Variants in CAP2 observed in about 807,000 individuals in gnomAD.
The protein encoded by CAP2 is adenylyl cyclase-associated protein 2.
In CAP2, 24 loss-of-function variants were observed where a neutral mutation model predicts 57.7. The ratio of observed to expected loss-of-function variants is 0.42; its 90% CI spans 0.30 to 0.58. The LOEUF (loss-of-function observed/expected upper bound fraction) is 0.58, where lower values mean the gene tolerates loss of function less well. Among genes scored for constraint, CAP2 ranks in the 20% least tolerant of loss-of-function variants. The probability of loss-of-function intolerance (pLI) is 0.22; values close to 1 mark genes in which losing one functional copy is unlikely to be tolerated. For missense variants in CAP2, 501 were observed against 590.3 expected, an observed-to-expected ratio of 0.85 and a Z score of 1.57; for synonymous variants, 194 against 207.2, an observed-to-expected ratio of 0.94 and a Z score of 0.55.
intron 3 of CAP2, among the ~76,000 whole-genome samples, chr6:17,445,085 A>C (rs1267333892): frequency 6.6e-6 from 1 of 152,144 alleles, no homozygotes; most frequent in Non-Finnish European, 1.5e-5. Flanking sequence ...ATTTATGTGA[A>C]CCTTACTGTA....
At chr6:17,448,584 T>C (rs1265577342) in intron 3 of CAP2, among the ~76,000 whole-genome samples, 1 of 152,234 alleles carries the variant, frequency 6.6e-6, no homozygotes, top group Non-Finnish European at 1.5e-5. Context: ...TCTTTTAAAA[T>C]ATAAATTGCA....
intron 4 of CAP2, among the ~76,000 whole-genome samples, chr6:17,469,950 TA>T (rs1420926161): frequency 1.3e-5 from 2 of 152,218 alleles, no homozygotes; most frequent in Non-Finnish European, 2.9e-5. Context: ...TCTTAGGACT[TA>T]AGCTAATTAT....
At chr6:17,525,518 C>T (rs1206657108) in intron 7 of CAP2, among the ~76,000 whole-genome samples, 1 of 152,008 alleles carries the variant, frequency 6.6e-6, no homozygotes, top group Admixed American at 6.6e-5. Context: ...CTGCTTATCA[C>T]CATGCCCACC....
At chr6:17,499,398 C>CAAAAAAAAAAAAA (rs71002217) in intron 4 of CAP2, among the ~76,000 whole-genome samples, 1 of 69,568 alleles carries the variant, frequency 1.4e-5, no homozygotes, top group African/African-American at 5.2e-5. Flanking sequence ...GACTCCATCT[C>CAAAAAAAAAAAAA]AAAAAAAAAA....
intron 7 of CAP2, among the ~76,000 whole-genome samples, chr6:17,517,815 C>T (rs1411652215): frequency 1.3e-5 from 2 of 152,062 alleles, no homozygotes; most frequent in Admixed American, 6.6e-5. Context: ...GCAAGAGAAT[C>T]GCTTGAACCC....
In CAP2 at chr6:17,421,919, A is replaced by G. The variant is rs146900190; in HGVS notation, c.121+243A>G. Among the ~76,000 whole-genome samples, 388 of 152,322 alleles carry G rather than the reference A, an allele frequency of 2.5e-3. 2 individuals carry two copies. Among genetic ancestry groups the G allele is most frequent in the South Asian group, 3.1e-3 (15 of 4,830 alleles). On this transcript the variant is annotated intron_variant, in intron 2 of 12. Transcript: ENST00000229922. ...CCTTTTAGAGACAGGGTCTCGCTCT[A>G]TCACCCAGGCTGGAGTGCAGTGGTG...
At chr6:17,397,873 G>A (rs1581482443) in intron 1 of CAP2, among the ~76,000 whole-genome samples, 1 of 150,704 alleles carries the variant, frequency 6.6e-6, no homozygotes, top group African/African-American at 2.4e-5. Flanking sequence ...ATGTGTCTTG[G>A]CACACATGTG....
In CAP2 at chr6:17,517,120, A is replaced by T. The variant is rs369498651; in HGVS notation, c.636+3166A>T. Reference sequence around the variant, plus strand: ...TGTTGTACAGCCATGTATCATAAAGAGAAAGTGTCACATCTTTGCCATGGT... The same window carrying T: ...TGTTGTACAGCCATGTATCATAAAGTGAAAGTGTCACATCTTTGCCATGGT... On this transcript the variant is annotated intron_variant, in intron 7 of 12. Coordinates refer to ENST00000229922, the MANE Select transcript of CAP2 (RefSeq NM_006366.3). Among the ~76,000 whole-genome samples the T allele has an allele frequency of 3.3e-5, 5 of 152,378 alleles. No individual in the cohort carries two copies. The South Asian group carries it at 1.0e-3, about 32-fold the overall frequency.
chr6:17,443,860 T>TAC (rs1472276582), intron 3 of CAP2, among the ~76,000 whole-genome samples: 11 of 152,296 alleles, frequency 7.2e-5, no homozygotes, highest in African/African-American at 1.9e-4. Flanking sequence ...TGCCAGATTT[T>TAC]ACATACACAC....
intron 1 of CAP2, among the ~76,000 whole-genome samples, chr6:17,408,476 C>A (rs766874838): frequency 2.0e-5 from 3 of 152,104 alleles, no homozygotes; most frequent in Non-Finnish European, 4.4e-5. Flanking sequence ...CACCTCCCAC[C>A]TCCCATTAGG....
intron 7 of CAP2, among the ~76,000 whole-genome samples, chr6:17,529,369 T>C (rs907194736): frequency 6.6e-6 from 1 of 151,244 alleles, no homozygotes; most frequent in Non-Finnish European, 1.5e-5. Context: ...TGTCTGGGCG[T>C]GGTGGCTCAC....
At chr6:17,511,564 G>A (rs537840209) in intron 6 of CAP2, among the ~76,000 whole-genome samples, 4 of 152,210 alleles carry the variant, frequency 2.6e-5, no homozygotes, top group Non-Finnish European at 4.4e-5. Flanking sequence ...CAGTTCTCCT[G>A]CCTCAGCCTC....
intron 1 of CAP2, among the ~76,000 whole-genome samples, chr6:17,405,177 T>G (rs991616174): frequency 5.3e-5 from 8 of 152,086 alleles, no homozygotes; most frequent in African/African-American, 1.9e-4. Flanking sequence ...GAGGTCAGGA[T>G]TCGAGATCAG....
intron 11 of CAP2, among the ~76,000 whole-genome samples, chr6:17,547,628 T>C (rs1368401485): frequency 6.6e-6 from 1 of 151,854 alleles, no homozygotes; most frequent in East Asian, 1.9e-4. Flanking sequence ...AATCACGAGG[T>C]CCGGAGATTG....
rs1762009908 is a variant in CAP2, at chr6:17,507,179, C to T, written c.311C>T (p.Ala104Val). 4.3e-6 allele frequency: 7 copies of T among 1,614,054 alleles called. No individual in the cohort carries two copies. The highest frequency in any genetic ancestry group is 5.9e-6 in the Non-Finnish European group (7 of 1,180,034). Reference sequence around the variant, plus strand: ...TTTGACTGCTTACAGAATGACGTGGCCGCACTTCTGAAACCCATATCGGAA... The same window carrying T: ...TTTGACTGCTTACAGAATGACGTGGTCGCACTTCTGAAACCCATATCGGAA... ...QYQQPHENDV[A>V]ALLKPISEKI... The change falls in exon 5 of 13, where the codon GCC becomes GTC. Residue 104 changes from alanine to valine, a missense_variant. Ala to Val is a moderately conservative substitution (Grantham distance 64, BLOSUM62 0). Coordinates refer to ENST00000229922, the MANE Select transcript of CAP2 (RefSeq NM_006366.3).
intron 3 of CAP2, among the ~76,000 whole-genome samples, chr6:17,428,218 G>A (rs1221402577): frequency 3.3e-5 from 5 of 152,100 alleles, no homozygotes; most frequent in African/African-American, 1.2e-4. Context: ...GGTTGGAAGA[G>A]AACTTTAAAG....
In CAP2 at chr6:17,463,056, T is replaced by A; in HGVS notation, c.283T>A (p.Tyr95Asn). 2.5e-6 allele frequency: 4 copies of A among 1,613,218 alleles called. No homozygotes were observed. Among genetic ancestry groups the A allele is most frequent in the Non-Finnish European group, 3.4e-6 (4 of 1,179,220 alleles). Reference protein sequence around the residue: ...QRAFLLMASQYQQPHENDVAA... With the variant: ...QRAFLLMASQNQQPHENDVAA... ...GGCTTTCCTTCTGATGGCCTCTCAG[T>A]ACCAACAACCCCACGAGGTAAGAGA... The change falls in exon 4 of 13, where the codon TAC (tyrosine) becomes AAC (asparagine). Residue 95 changes from tyrosine (Y) to asparagine (N), a missense_variant. By Grantham distance (143) the Tyr-to-Asn change is moderately radical. Coordinates refer to ENST00000229922, the MANE Select transcript of CAP2 (RefSeq NM_006366.3).
At chr6:17,462,728 TAC>T (rs1760759728) in intron 3 of CAP2, among the ~76,000 whole-genome samples, 1 of 152,270 alleles carries the variant, frequency 6.6e-6, no homozygotes, top group African/African-American at 2.4e-5. Flanking sequence ...CAGGTGTCAG[TAC>T]CTTGTCTCTT....
At chr6:17,505,050 C>A (rs961976656) in intron 4 of CAP2, among the ~76,000 whole-genome samples, 4 of 152,122 alleles carry the variant, frequency 2.6e-5, no homozygotes, top group Admixed American at 6.5e-5. Flanking sequence ...TTAACTGCAT[C>A]ATGGAAATAA....
Sources: allele counts gnomAD v4.1 joint callset (sites outside exome capture counted in the v4.1 genomes callset), GRCh38; gene constraint gnomAD v4.1.1; transcripts MANE v1.5; gene names NCBI Gene and HGNC (gene_info 2026-07-23, HGNC 2026-07-21).